The following STIM2 variants were observed in gnomAD, a reference collection of about 807,000 sequenced individuals.
The protein encoded by STIM2 is stromal interaction molecule 2.
STIM2 carries 31 observed loss-of-function variants against 85.8 expected under a neutral mutation model. The ratio of observed to expected loss-of-function variants is 0.36; its 90% CI spans 0.27 to 0.49. STIM2 has a LOEUF of 0.49. STIM2 is among the 20% of genes least tolerant of loss of function. STIM2 has a pLI of 0.98. For synonymous variants in STIM2, 356 were observed against 331.1 expected (o/e 1.08, Z -0.82); for missense variants, 841 against 927.6 (o/e 0.91, Z 1.21).
At chr4:26,991,659 G>A (rs141877214) in intron 3 of STIM2, among the ~76,000 whole-genome samples, 17 of 152,026 alleles carry the variant, frequency 1.1e-4, no homozygotes, top group African/African-American at 2.9e-4. Flanking sequence ...CATTGTATAC[G>A]TGTATCAAAA....
At chr4:26,971,836 GGCCATTTTCAT>G (rs1726967833) in intron 3 of STIM2, among the ~76,000 whole-genome samples, 1 of 152,164 alleles carries the variant, frequency 6.6e-6, no homozygotes, top group African/African-American at 2.4e-5. Flanking sequence ...TGGGCAGTAT[GGCCATTTTCAT>G]GATATTAATT....
chr4:26,872,253 T>C (rs1174381265), intron 1 of STIM2, among the ~76,000 whole-genome samples: 1 of 152,188 alleles, frequency 6.6e-6, no homozygotes, highest in East Asian at 1.9e-4. Context: ...GTTAAAACTC[T>C]GTAGAAATAT....
At chr4:26,917,641 A>T (rs1724633304) in intron 1 of STIM2, among the ~76,000 whole-genome samples, 1 of 152,104 alleles carries the variant, frequency 6.6e-6, no homozygotes, top group South Asian at 2.1e-4. Flanking sequence ...TTTCTCTTAA[A>T]GCTTCCTGTG....
At chr4:26,954,454 T>C (rs1726172714) in intron 2 of STIM2, among the ~76,000 whole-genome samples, 3 of 148,566 alleles carry the variant, frequency 2.0e-5, no homozygotes, top group African/African-American at 5.1e-5. Context: ...ACTCACTTCA[T>C]TGAATTTCAG....
At chr4:26,922,631 C>T (rs1435926425) in intron 2 of STIM2, among the ~76,000 whole-genome samples, 1 of 152,148 alleles carries the variant, frequency 6.6e-6, no homozygotes, top group African/African-American at 2.4e-5. Context: ...ATATGCCCAC[C>T]AGCCTGGAAG....
chr4:27,001,788 C>A (rs886825228), intron 5 of STIM2, among the ~76,000 whole-genome samples: 1 of 152,126 alleles, frequency 6.6e-6, no homozygotes, highest in African/African-American at 2.4e-5. Context: ...GGTGAGTGAT[C>A]AGGTTTATAA....
intron 3 of STIM2, among the ~76,000 whole-genome samples, chr4:26,979,937 T>C (rs974244829): frequency 3.9e-5 from 6 of 152,234 alleles, no homozygotes; most frequent in Non-Finnish European, 7.3e-5. Flanking sequence ...TTTTTTATTT[T>C]CTTTTTATAG....
chr4:26,973,191 G>A (rs947701424), intron 3 of STIM2, among the ~76,000 whole-genome samples: 12 of 151,930 alleles, frequency 7.9e-5, no homozygotes, highest in East Asian at 1.9e-4. Context: ...CAAAAAACCC[G>A]CTCCTGGATT....
At chr4:26,894,580 G>A (rs1723622904) in intron 1 of STIM2, among the ~76,000 whole-genome samples, 1 of 150,698 alleles carries the variant, frequency 6.6e-6, no homozygotes, top group Non-Finnish European at 1.5e-5. Context: ...CCACTAATCT[G>A]TGGTGCTAGT....
intron 1 of STIM2, among the ~76,000 whole-genome samples, chr4:26,868,770 C>CGTTA (rs1254205227): frequency 6.6e-6 from 1 of 152,034 alleles, no homozygotes; most frequent in East Asian, 1.9e-4. Context: ...ACATCTCTAA[C>CGTTA]GTTTTCATTA....
At chr4:26,933,608 T>C (rs997812718) in intron 2 of STIM2, among the ~76,000 whole-genome samples, 1 of 151,594 alleles carries the variant, frequency 6.6e-6, no homozygotes. Context: ...TATCATATGC[T>C]TTGGGTTTTG....
rs528984216 is a variant in STIM2 at position 26,890,982 on chromosome 4, G to A, written c.152-28522G>A. Among the ~76,000 whole-genome samples the A allele has an allele frequency of 2.0e-5, 3 of 152,274 alleles. No homozygotes were observed. In the South Asian group the frequency reaches 6.2e-4, roughly 32 times the overall value. ...TGCCTCTGAAACTTGAAGCACTATT[G>A]GATCTACTGGATCACATGTCCCAAG... On this transcript the variant is annotated intron_variant, in intron 1 of 11. Transcript: ENST00000467087.
intron 2 of STIM2, among the ~76,000 whole-genome samples, chr4:26,952,648 G>A (rs1726101439): frequency 6.6e-6 from 1 of 152,038 alleles, no homozygotes; most frequent in African/African-American, 2.4e-5. Flanking sequence ...GTGTAGTCTA[G>A]ACCAATTCTG....
At chr4:26,967,457 A>T (rs1726765771) in intron 3 of STIM2, among the ~76,000 whole-genome samples, 1 of 152,212 alleles carries the variant, frequency 6.6e-6, no homozygotes, top group Non-Finnish European at 1.5e-5. Flanking sequence ...TGTCATGAGC[A>T]TCTAGAGAGG....
At chr4:26,996,106 C>T (rs1375422921) in intron 4 of STIM2, among the ~76,000 whole-genome samples, 1 of 151,922 alleles carries the variant, frequency 6.6e-6, no homozygotes, top group Non-Finnish European at 1.5e-5. Context: ...CATTTAAACC[C>T]AGATAGATTT....
intron 3 of STIM2, among the ~76,000 whole-genome samples, chr4:26,965,781 T>C (rs1726694123): frequency 6.6e-6 from 1 of 152,144 alleles, no homozygotes; most frequent in South Asian, 2.1e-4. Flanking sequence ...GAGACAATCC[T>C]GCCTTCTTTA....
chr4:27,010,884 A>G (rs1033310674), intron 10 of STIM2, among the ~76,000 whole-genome samples: 8 of 152,100 alleles, frequency 5.3e-5, no homozygotes, highest in Non-Finnish European at 1.2e-4. Context: ...TTGTTTTCCT[A>G]TTACTTTTTA....
At chr4:26,904,235 T>C (rs1724039959) in intron 1 of STIM2, among the ~76,000 whole-genome samples, 1 of 151,910 alleles carries the variant, frequency 6.6e-6, no homozygotes, top group African/African-American at 2.4e-5. Flanking sequence ...AGGTTTTTTG[T>C]TTGTTTCTTT....
At chr4:26,995,224 T>G (rs1440008308) in intron 3 of STIM2, among the ~76,000 whole-genome samples, 155 bp from the exon 4 acceptor site, 2 of 152,174 alleles carry the variant, frequency 1.3e-5, no homozygotes. Flanking sequence ...TGTAAGGCTT[T>G]CTTCTTCTCA....
Sources: allele counts gnomAD v4.1 joint callset (sites outside exome capture counted in the v4.1 genomes callset), GRCh38; gene constraint gnomAD v4.1.1; transcripts MANE v1.5; gene names NCBI Gene and HGNC (gene_info 2026-07-23, HGNC 2026-07-21).